Variants in PCDHGA9 observed in about 807,000 individuals in gnomAD.
PCDHGA9 encodes the protein protocadherin gamma subfamily A, 9, also known as protocadherin gamma-A9.
Under a neutral mutation model 62.5 loss-of-function variants are expected in PCDHGA9, and 37 were observed. The ratio of observed to expected loss-of-function variants is 0.59; its 90% CI spans 0.46 to 0.78. PCDHGA9 has a LOEUF of 0.78. Ranked by LOEUF, PCDHGA9 falls within the 30% of genes least tolerant of loss-of-function variation. The pLI is 0.00. For missense variants in PCDHGA9, 1,138 were observed against 1,166.2 expected (o/e 0.98, Z 0.35); for synonymous variants, 459 against 484.6 (o/e 0.95, Z 0.69).
At chr5:141,468,841 G>C (rs1189145481) in intron 1 of PCDHGA9, among the ~76,000 whole-genome samples, 3 of 152,014 alleles carry the variant, frequency 2.0e-5, no homozygotes, top group Non-Finnish European at 4.4e-5. Flanking sequence ...ACTCCAGCCT[G>C]GGCAACAGAG....
chr5:141,439,680 A>T (rs1478261632), intron 1 of PCDHGA9, among the ~76,000 whole-genome samples: 1 of 152,236 alleles, frequency 6.6e-6, no homozygotes, highest in African/African-American at 2.4e-5. Context: ...ATCCAAGAGC[A>T]GACCCACAAC....
At chr5:141,445,471 T>A (rs533909401) in intron 1 of PCDHGA9, among the ~76,000 whole-genome samples, 17 of 152,204 alleles carry the variant, frequency 1.1e-4, no homozygotes, top group Non-Finnish European at 2.4e-4. Context: ...AAGGCATATA[T>A]GATTCCTGAG....
intron 1 of PCDHGA9, chr5:141,418,597 G>A (rs2096274061): frequency 3.7e-6 from 6 of 1,614,052 alleles, no homozygotes; most frequent in Non-Finnish European, 5.1e-6. Flanking sequence ...GCCAGGACGT[G>A]TACAGGGTTA....
intron 1 of PCDHGA9, among the ~76,000 whole-genome samples, chr5:141,443,369 C>T (rs1403494558): frequency 6.6e-6 from 1 of 151,848 alleles, no homozygotes; most frequent in African/African-American, 2.4e-5. Context: ...CCTGTGGTCT[C>T]AGCTACTTGG....
chr5:141,429,204 A>ACACACACG, intron 1 of PCDHGA9: 1 of 150,162 alleles, frequency 6.7e-6, no homozygotes, highest in Non-Finnish European at 1.5e-5. Context: ...ACACACACAC[A>ACACACACG]CGTGTGAAAA....
In PCDHGA9 at chr5:141,487,605, A is replaced by G. The variant is rs202066746; in HGVS notation, c.2425-7202A>G. Reference sequence around the variant, plus strand: ...AGCTGCCCACCCTCTGATCTTCTCTATGGGCTAGAGGTGAGACCTTTGCAG... The same window carrying G: ...AGCTGCCCACCCTCTGATCTTCTCTGTGGGCTAGAGGTGAGACCTTTGCAG... On this transcript the variant is annotated intron_variant, in intron 1 of 3. Transcript: ENST00000573521. The surrounding 1 kb of genome is among the most constrained non-coding windows in gnomAD (Gnocchi z 5.0). 8.7e-6 allele frequency: 14 copies of G among 1,614,008 alleles called. No individual in the cohort carries two copies. In the South Asian group the frequency reaches 8.8e-5, roughly 10 times the overall value.
chr5:141,481,434 A>C (rs1374254063), intron 1 of PCDHGA9, among the ~76,000 whole-genome samples: 1 of 152,256 alleles, frequency 6.6e-6, no homozygotes, highest in East Asian at 1.9e-4. Context: ...TGATTGTATC[A>C]GTTTAGTACA....
chr5:141,480,265 A>G (rs1041908141), intron 1 of PCDHGA9, among the ~76,000 whole-genome samples: 2 of 151,784 alleles, frequency 1.3e-5, no homozygotes, highest in African/African-American at 2.4e-5. Context: ...ATGTGTTTTC[A>G]TTAGCTGGGT....
In PCDHGA9 at chr5:141,431,508, G is replaced by A. The variant is rs774545870; in HGVS notation, c.2424+26132G>A. ...TTTGCTCAGCCCGAGTACCGCGCGA[G>A]CGTTCCGGAGAATCTGGCCTTGGGC... On this transcript the variant is annotated intron_variant, in intron 1 of 3. Coordinates refer to ENST00000573521, the MANE Select transcript of PCDHGA9 (RefSeq NM_018921.3). The surrounding 1 kb of genome is among the most constrained non-coding windows in gnomAD (Gnocchi z 4.8). 12 of 1,613,914 alleles carry A rather than the reference G, an allele frequency of 7.4e-6. No individual in the cohort carries two copies. Among genetic ancestry groups the A allele is most frequent in the East Asian group, 2.2e-5 (1 of 44,904 alleles).
intron 1 of PCDHGA9, among the ~76,000 whole-genome samples, chr5:141,462,399 T>C (rs2099038838): frequency 6.6e-6 from 1 of 152,236 alleles, no homozygotes; most frequent in South Asian, 2.1e-4. Flanking sequence ...ATTTCTTTTA[T>C]GGCACAGAAT....
chr5:141,462,668 T>C (rs778396861), intron 1 of PCDHGA9, among the ~76,000 whole-genome samples: 10 of 152,232 alleles, frequency 6.6e-5, no homozygotes, highest in Non-Finnish European at 1.5e-4. Flanking sequence ...CTTCATATTT[T>C]TCTTTAAATT....
chr5:141,510,289 A>T (rs1279501931), intron 3 of PCDHGA9, among the ~76,000 whole-genome samples: 3 of 151,754 alleles, frequency 2.0e-5, no homozygotes, highest in Non-Finnish European at 4.4e-5. Context: ...AAAAAAAAAA[A>T]AATGCTGTTT....
At chr5:141,494,999 G>T in intron 2 of PCDHGA9, 134 bp downstream of exon 2, 1 of 1,531,046 alleles carries the variant, frequency 6.5e-7, no homozygotes, top group Non-Finnish European at 8.8e-7. Context: ...GGGAGGTCTT[G>T]GTGTGCGGGG....
chr5:141,440,572 GT>G (rs1233263525), intron 1 of PCDHGA9: 1 of 152,200 alleles, frequency 6.6e-6, no homozygotes, highest in Non-Finnish European at 1.5e-5. Context: ...GTATCTCTGA[GT>G]TTACCCAGCT....
chr5:141,456,178 A>G (rs1216202318), intron 1 of PCDHGA9, among the ~76,000 whole-genome samples: 1 of 151,926 alleles, frequency 6.6e-6, no homozygotes, highest in African/African-American at 2.4e-5. Context: ...ATTACAGAAT[A>G]ATTTCTTAAT....
chr5:141,415,552 G>T (rs1244457142), intron 1 of PCDHGA9: 3 of 1,613,980 alleles, frequency 1.9e-6, no homozygotes, highest in African/African-American at 2.7e-5. Flanking sequence ...TGAGAAAAAC[G>T]ATCCTTTGTC....
chr5:141,452,015 C>T (rs2098730990), intron 1 of PCDHGA9, among the ~76,000 whole-genome samples: 1 of 152,306 alleles, frequency 6.6e-6, no homozygotes, highest in African/African-American at 2.4e-5. Context: ...GTCCAGCCCA[C>T]ACTCTGGGGA....
intron 1 of PCDHGA9, chr5:141,433,239 G>A: frequency 1.3e-6 from 2 of 1,494,126 alleles, no homozygotes; most frequent in Non-Finnish European, 1.8e-6. Context: ...TGTCTCCCAA[G>A]CTGGAATGCA....
At chr5:141,412,067 G>A (rs1428018643) in intron 1 of PCDHGA9, 2 of 152,170 alleles carry the variant, frequency 1.3e-5, no homozygotes, top group Non-Finnish European at 2.9e-5. Context: ...TTGCATTTGA[G>A]GGAACAATTG....
Sources: allele counts gnomAD v4.1 joint callset (sites outside exome capture counted in the v4.1 genomes callset), GRCh38; gene constraint gnomAD v4.1.1; non-coding constraint Gnocchi (gnomAD v3.1); transcripts MANE v1.5; gene names NCBI Gene and HGNC (gene_info 2026-07-23, HGNC 2026-07-21).